The following MAMDC2 variants were observed in gnomAD, a reference collection of about 807,000 sequenced individuals.
MAMDC2 encodes MAM domain containing 2.
A neutral mutation model predicts 89.8 loss-of-function variants in MAMDC2; 57 were observed. The ratio of observed to expected loss-of-function variants is 0.63; its 90% confidence interval spans 0.51 to 0.79. The LOEUF (loss-of-function observed/expected upper bound fraction) is 0.79. Ranked by LOEUF, MAMDC2 falls within the 30% of genes least tolerant of loss-of-function variation. The pLI is 0.00. For synonymous variants in MAMDC2, 313 were observed against 293.4 expected, an observed-to-expected ratio of 1.07 and a Z score of -0.68; for missense variants, 800 against 820.6, an observed-to-expected ratio of 0.97 and a Z score of 0.31.
At chr9:70,176,546 C>T (rs2032507428) in intron 11 of MAMDC2, among the ~76,000 whole-genome samples, 1 of 152,142 alleles carries the variant, frequency 6.6e-6, no homozygotes, top group African/African-American at 2.4e-5. Context: ...AAATAAAACT[C>T]TCTGGTGCAC....
chr9:70,217,670 C>T (rs2033475124), intron 11 of MAMDC2: 2 of 1,561,820 alleles, frequency 1.3e-6, no homozygotes, highest in Non-Finnish European at 1.8e-6. Flanking sequence ...AAACGCTAAA[C>T]TGGCAGATTA....
intron 11 of MAMDC2, among the ~76,000 whole-genome samples, chr9:70,206,076 G>T (rs955267226): frequency 1.3e-5 from 2 of 152,150 alleles, no homozygotes; most frequent in Non-Finnish European, 2.9e-5. Flanking sequence ...ATTATGTTTA[G>T]GTAAGATGTT....
At chr9:70,044,514 C>T in intron 1 of MAMDC2, 70 bp from the exon 2 acceptor site, 1 of 1,277,148 alleles carries the variant, frequency 7.8e-7, no homozygotes, top group Non-Finnish European at 1.1e-6. Flanking sequence ...GGTAGTCCCC[C>T]TGGGGCTCCC....
intron 2 of MAMDC2, among the ~76,000 whole-genome samples, chr9:70,047,598 A>T (rs1338828060): frequency 6.6e-6 from 1 of 152,154 alleles, no homozygotes; most frequent in East Asian, 1.9e-4. Flanking sequence ...TATCCAGTCT[A>T]TCACTGATGG....
intron 5 of MAMDC2, among the ~76,000 whole-genome samples, chr9:70,122,941 G>C (rs1024934989): frequency 6.6e-6 from 1 of 152,040 alleles, no homozygotes; most frequent in Non-Finnish European, 1.5e-5. Flanking sequence ...GCTATGCTTG[G>C]TCACTGCCTG....
rs182242246 is a variant in MAMDC2, at chr9:70,072,501, A to G, written c.148+27804A>G. 6.6e-5 allele frequency among the ~76,000 whole-genome samples: 10 copies of G among 152,326 alleles called. No individual in the cohort carries two copies. The East Asian group carries it at 1.9e-3, about 29-fold the overall frequency. On this transcript the variant is annotated intron_variant, in intron 2 of 13. Transcript: ENST00000377182. The stretch of plus-strand genomic sequence containing the variant: ...AATAGAATAATAGTAGTAGCTTTAT[A>G]CTTATCAATGTTTTCTATATACCAG...
intron 2 of MAMDC2, among the ~76,000 whole-genome samples, chr9:70,047,821 C>T (rs1200887663): frequency 6.6e-6 from 1 of 152,224 alleles, no homozygotes; most frequent in Non-Finnish European, 1.5e-5. Context: ...TTGGAAAAGT[C>T]TCCTTGTCTC....
intron 11 of MAMDC2, among the ~76,000 whole-genome samples, chr9:70,186,709 G>T (rs2032761551): frequency 6.6e-6 from 1 of 152,208 alleles, no homozygotes; most frequent in Non-Finnish European, 1.5e-5. Flanking sequence ...TTTGGCTCAT[G>T]GTTCTGCAGG....
intron 11 of MAMDC2, among the ~76,000 whole-genome samples, chr9:70,198,983 T>C (rs563921344): frequency 1.1e-4 from 17 of 152,256 alleles, no homozygotes; most frequent in Admixed American, 9.8e-4. Flanking sequence ...TCTGTAACTA[T>C]CTGAGGAATT....
intron 12 of MAMDC2, among the ~76,000 whole-genome samples, chr9:70,222,113 ACTT>A (rs1456480239): frequency 1.3e-5 from 2 of 152,180 alleles, no homozygotes; most frequent in Middle Eastern, 3.2e-3. Context: ...AGCCCACGAG[ACTT>A]CTTATGTATA....
At chr9:70,110,433 T>G (rs1413988110) in intron 4 of MAMDC2, among the ~76,000 whole-genome samples, 1 of 152,080 alleles carries the variant, frequency 6.6e-6, no homozygotes, top group East Asian at 1.9e-4. Flanking sequence ...TGGAGAGGAC[T>G]GAATAGGGAC....
chr9:70,212,286 C>G (rs1030626544), intron 11 of MAMDC2, among the ~76,000 whole-genome samples: 8 of 152,254 alleles, frequency 5.3e-5, no homozygotes, highest in Admixed American at 2.0e-4. Context: ...CCAGTTGGCC[C>G]TTCCTGGCCG....
At chr9:70,179,348 T>TAA (rs1554679389) in intron 11 of MAMDC2, among the ~76,000 whole-genome samples, 1,197 of 56,076 alleles carry the variant, frequency 0.021, 7 homozygotes, top group African/African-American at 0.061. Flanking sequence ...TCGTCTCTAC[T>TAA]AAAAACACAC....
chr9:70,048,896 T>C lies in MAMDC2; in HGVS notation c.148+4199T>C, dbSNP rs1563930910. Among the ~76,000 whole-genome samples, 2 of 152,118 alleles carry C rather than the reference T, an allele frequency of 1.3e-5. 1 individual carries two copies. Among genetic ancestry groups the C allele is most frequent in the South Asian group, 4.2e-4 (2 of 4,808 alleles). On this transcript the variant is annotated intron_variant, in intron 2 of 13. Coordinates refer to ENST00000377182, the MANE Select transcript of MAMDC2 (RefSeq NM_153267.5). ...GACATTGTGGCTTAGCACCTTTAAC[T>C]GAACTCTGTGAGGAAGCCACTTGAG...
At chr9:70,221,349 A>G (rs1350115964) in intron 12 of MAMDC2, among the ~76,000 whole-genome samples, 1 of 81,976 alleles carries the variant, frequency 1.2e-5, no homozygotes, top group African/African-American at 4.6e-5. Context: ...AAGCAAGCCA[A>G]ACAACAAATA....
chr9:70,200,158 T>C (rs1192073071), intron 11 of MAMDC2, among the ~76,000 whole-genome samples: 3 of 152,152 alleles, frequency 2.0e-5, no homozygotes, highest in African/African-American at 7.2e-5. Context: ...ATGCCTAGGT[T>C]TTCTCCTAGG....
intron 9 of MAMDC2, among the ~76,000 whole-genome samples, chr9:70,154,993 C>T (rs1466166511): frequency 6.6e-6 from 1 of 152,106 alleles, no homozygotes; most frequent in Non-Finnish European, 1.5e-5. Context: ...ATCCAGCCTC[C>T]ATTCTGCGAT....
At chr9:70,067,662 T>C (rs894479234) in intron 2 of MAMDC2, among the ~76,000 whole-genome samples, 2 of 152,224 alleles carry the variant, frequency 1.3e-5, no homozygotes, top group Non-Finnish European at 2.9e-5. Flanking sequence ...GGTATGATCT[T>C]ACATGTGTTT....
chr9:70,094,957 C>G (rs1008335005), intron 2 of MAMDC2, among the ~76,000 whole-genome samples: 14 of 152,154 alleles, frequency 9.2e-5, no homozygotes, highest in African/African-American at 3.4e-4. Flanking sequence ...CACAATTTTA[C>G]ATGGTAGATA....
Sources: allele counts gnomAD v4.1 joint callset (sites outside exome capture counted in the v4.1 genomes callset), GRCh38; gene constraint gnomAD v4.1.1; transcripts MANE v1.5; gene names NCBI Gene and HGNC (gene_info 2026-07-23, HGNC 2026-07-21).